The following GSTCD variants were observed in gnomAD, a reference collection of about 807,000 sequenced individuals.
GSTCD encodes glutathione S-transferase C-terminal domain containing, also known as glutathione S-transferase C-terminal domain-containing protein.
Under a neutral mutation model 68.3 loss-of-function variants are expected in GSTCD, and 44 were observed. The observed-to-expected ratio is 0.64, with a 90% CI of 0.51 to 0.83. The LOEUF (loss-of-function observed/expected upper bound fraction) is 0.83, where lower values mean the gene tolerates loss of function less well. Ranked by LOEUF, GSTCD falls within the 40% of genes least tolerant of loss-of-function variation. The pLI is 0.00. For missense variants in GSTCD, 739 were observed against 735.9 expected, an observed-to-expected ratio of 1.00 and a Z score of -0.05; for synonymous variants, 273 against 255.2, an observed-to-expected ratio of 1.07 and a Z score of -0.67.
At chr4:105,801,580 G>C (rs1736105495) in intron 5 of GSTCD, among the ~76,000 whole-genome samples, 1 of 151,980 alleles carries the variant, frequency 6.6e-6, no homozygotes, top group African/African-American at 2.4e-5. Context: ...AAATTAAGAA[G>C]TAAATAAGTA....
chr4:105,780,673 A>G (rs1206648508), intron 5 of GSTCD, among the ~76,000 whole-genome samples: 1 of 152,204 alleles, frequency 6.6e-6, no homozygotes, highest in Non-Finnish European at 1.5e-5. Context: ...TGATTCCCAC[A>G]TTTAACTCAT....
Position 105,766,887 on chromosome 4 carries a change from C to CTTTTTTTTTTTTTTTTTTTTTTTT in GSTCD, c.1240+37390_1240+37413dup. On this transcript the variant is annotated intron_variant, in intron 5 of 11. Coordinates refer to ENST00000515279, the MANE Select transcript of GSTCD (RefSeq NM_001370181.1). ...CAAAAGCATGAATAGGTTTTTGACT[C>CTTTTTTTTTTTTTTTTTTTTTTTT]TTTTTTTTTTTTTTTTTTTTTTTTT... Among the ~76,000 whole-genome samples the CTTTTTTTTTTTTTTTTTTTTTTTT allele has an allele frequency of 5.4e-4, 31 of 57,128 alleles. 1 individual carries two copies. The highest frequency in any genetic ancestry group is 2.3e-3 in the African/African-American group (29 of 12,440). The allele number at this position is 57,128 out of a possible 152,430, so 37.5% of individuals were successfully genotyped here. A position where few individuals can be genotyped will look rare whatever the true frequency, so the allele number is the denominator to read the frequency against.
chr4:105,825,573 C>T (rs553385872), intron 7 of GSTCD, 99 bp from the exon 8 acceptor site: 18 of 677,638 alleles, frequency 2.7e-5, no homozygotes, highest in Admixed American at 7.5e-5. Flanking sequence ...CAATATAATA[C>T]GTTCTACATT....
intron 7 of GSTCD, 169 bp downstream of exon 7, chr4:105,823,444 GA>G: frequency 1.5e-5 from 7 of 477,716 alleles, no homozygotes; most frequent in African/African-American, 4.0e-5. Flanking sequence ...GAATCTTAAG[GA>G]AAAAAAAGTA....
At chr4:105,802,040 G>C (rs1736124001) in intron 5 of GSTCD, among the ~76,000 whole-genome samples, 1 of 151,930 alleles carries the variant, frequency 6.6e-6, no homozygotes, top group African/African-American at 2.4e-5. Context: ...ATCCCTAATT[G>C]TAAAATGAAT....
At chr4:105,822,837 A>T (rs1379349714) in intron 5 of GSTCD, 117 bp from the exon 6 acceptor site, 3 of 650,118 alleles carry the variant, frequency 4.6e-6, no homozygotes, top group African/African-American at 1.8e-5. Context: ...GTATGTATGT[A>T]TGTGTGTATG....
chr4:105,717,291 G>T (rs1732708346), intron 1 of GSTCD, among the ~76,000 whole-genome samples: 1 of 152,072 alleles, frequency 6.6e-6, no homozygotes, highest in Non-Finnish European at 1.5e-5. Context: ...TTTATCTCCT[G>T]TTCTCACATA....
At chr4:105,791,003 G>A (rs1025352085) in intron 5 of GSTCD, among the ~76,000 whole-genome samples, 2 of 151,892 alleles carry the variant, frequency 1.3e-5, no homozygotes, top group African/African-American at 4.8e-5. Context: ...TCTCATTTAG[G>A]AAAAGTGAAC....
At chr4:105,749,798 T>C (rs529410959) in intron 5 of GSTCD, among the ~76,000 whole-genome samples, 2 of 152,242 alleles carry the variant, frequency 1.3e-5, no homozygotes, top group Middle Eastern at 3.4e-3. Context: ...ATGATCCATT[T>C]TGTAAAAATT....
chr4:105,727,088 C>CTTTTTTTTTTTT (rs5860809), intron 4 of GSTCD, among the ~76,000 whole-genome samples: 3 of 138,084 alleles, frequency 2.2e-5, no homozygotes, highest in African/African-American at 2.7e-5. Flanking sequence ...TTTCTCAAAA[C>CTTTTTTTTTTTT]TTTTTTTTTT....
intron 10 of GSTCD, among the ~76,000 whole-genome samples, chr4:105,839,958 C>T (rs1429902115): frequency 1.5e-4 from 23 of 152,192 alleles, no homozygotes; most frequent in Non-Finnish European, 1.5e-5. Flanking sequence ...CTTTCTCCAA[C>T]ACCCCCAAAA....
intron 5 of GSTCD, among the ~76,000 whole-genome samples, chr4:105,731,194 G>A (rs1465473690): frequency 6.6e-6 from 1 of 152,130 alleles, no homozygotes; most frequent in Non-Finnish European, 1.5e-5. Context: ...TTTTGGCTTA[G>A]GATTGTCTTG....
At chr4:105,804,759 C>T (rs1043213957) in intron 5 of GSTCD, among the ~76,000 whole-genome samples, 1 of 152,000 alleles carries the variant, frequency 6.6e-6, no homozygotes. Context: ...GGAATTAAGC[C>T]GAGCATCAAT....
rs750244149 is a variant in GSTCD, at chr4:105,726,645, A to C, written c.961A>C (p.Arg321=). The change falls in exon 4 of 12, where the codon AGG becomes CGG. Residue 321 remains arginine (R), a synonymous_variant. Coordinates refer to ENST00000515279, the MANE Select transcript of GSTCD (RefSeq NM_001370181.1). Reference sequence around the variant, plus strand: ...TCCATTGCTAGCCTCTTGGTACCAGAGGATTCAGGAAGTGCCAGGAGTAAA... The same window carrying C: ...TCCATTGCTAGCCTCTTGGTACCAGCGGATTCAGGAAGTGCCAGGAGTAAA... ...EFPLLASWYQ[R]IQEVPGVKTA... 2 of 1,613,474 alleles carry C rather than the reference A, an allele frequency of 1.2e-6. No individual in the cohort carries two copies. The highest frequency in any genetic ancestry group is 3.3e-5 in the Admixed American group (2 of 59,934).
rs76588422 is a variant in GSTCD, at chr4:105,784,105, T to C, written c.1241-38849T>C. 3.0e-4 allele frequency among the ~76,000 whole-genome samples: 45 copies of C among 152,378 alleles called. No homozygotes were observed. The East Asian group carries it at 7.9e-3, about 27-fold the overall frequency. On this transcript the variant is annotated intron_variant, in intron 5 of 11. Coordinates refer to ENST00000515279, the MANE Select transcript of GSTCD (RefSeq NM_001370181.1). ...ACTGTAATGTTACTGTTTTTTACTT[T>C]GCAATTAAGTAATTTGTGGTAGTCT...
intron 5 of GSTCD, among the ~76,000 whole-genome samples, chr4:105,760,272 C>T (rs1734355824): frequency 6.6e-6 from 1 of 151,656 alleles, no homozygotes; most frequent in African/African-American, 2.4e-5. Flanking sequence ...TAATATTAAA[C>T]TGTGGGAGAA....
rs576439817 is a variant in GSTCD, at chr4:105,811,415, C to T, written c.1241-11539C>T. On this transcript the variant is annotated intron_variant, in intron 5 of 11. Transcript: ENST00000515279. ...AAGAATAACTGGTAGTTTCATCTGA[C>T]CAGAGAATGATGAGATTATGGGAGT... Among the ~76,000 whole-genome samples, 75 of 150,910 alleles carry T rather than the reference C, an allele frequency of 5.0e-4. 1 individual carries two copies. The highest frequency in any genetic ancestry group is 8.7e-4 in the Non-Finnish European group (59 of 67,838).
chr4:105,799,128 T>A (rs765019805), intron 5 of GSTCD, among the ~76,000 whole-genome samples: 1 of 152,212 alleles, frequency 6.6e-6, no homozygotes, highest in African/African-American at 2.4e-5. Flanking sequence ...CCAATTTTTC[T>A]TGTGTAGCTT....
At chr4:105,777,481 A>C (rs1247886686) in intron 5 of GSTCD, among the ~76,000 whole-genome samples, 1 of 152,176 alleles carries the variant, frequency 6.6e-6, no homozygotes, top group African/African-American at 2.4e-5. Flanking sequence ...TGCAGCTTAG[A>C]TATTAGATAG....
Sources: allele counts gnomAD v4.1 joint callset (sites outside exome capture counted in the v4.1 genomes callset), GRCh38; gene constraint gnomAD v4.1.1; transcripts MANE v1.5; gene names NCBI Gene and HGNC (gene_info 2026-07-23, HGNC 2026-07-21).